Variants in WDFY3 observed in about 807,000 individuals in gnomAD.
The protein encoded by WDFY3 is WD repeat and FYVE domain containing 3, also known as WD repeat and FYVE domain-containing protein 3.
WDFY3 carries 66 observed loss-of-function variants against 409.6 expected under a neutral mutation model. That is an observed-to-expected ratio of 0.16 (90% CI 0.13 to 0.20). The LOEUF (loss-of-function observed/expected upper bound fraction) is 0.20, where lower values mean the gene tolerates loss of function less well. WDFY3 is among the 10% of genes least tolerant of loss of function. WDFY3 has a pLI of 1.00. For missense variants in WDFY3, 3,031 were observed against 4,298.1 expected (o/e 0.71, Z 8.24); for synonymous variants, 1,521 against 1,537.1 (o/e 0.99, Z 0.25).
rs1399226338 is a variant in WDFY3 at position 84,671,171 on chromosome 4, T to C, written c.*1697A>G. The C allele has an allele frequency of 6.6e-6, 1 of 152,594 alleles. No homozygotes were observed. Among genetic ancestry groups the C allele is most frequent in the Non-Finnish European group, 1.5e-5 (1 of 68,018 alleles). The allele number at this position is 152,594 out of a possible 1,614,324, so 9.5% of individuals were successfully genotyped here. A position where few individuals can be genotyped will look rare whatever the true frequency, so the allele number is the denominator to read the frequency against. ...TTGTTCTTAAGCTGGTTTCAGCCCA[T>C]CAGGTACAAGATCACCATTGTACCA... On this transcript the variant is annotated 3_prime_UTR_variant, in exon 68 of 68. Transcript: ENST00000295888.
At chr4:84,820,053 C>T in intron 12 of WDFY3, 32 bp downstream of exon 12, 1 of 1,555,266 alleles carries the variant, frequency 6.4e-7, no homozygotes, top group Non-Finnish European at 8.7e-7. Context: ...TGGTAATCTC[C>T]CAAAGTATTT....
intron 46 of WDFY3, among the ~76,000 whole-genome samples, chr4:84,722,339 A>C (rs1734982074): frequency 6.6e-6 from 1 of 152,254 alleles, no homozygotes; most frequent in Admixed American, 6.5e-5. Context: ...GTGAGCTGAG[A>C]TCACGCCACT....
chr4:84,805,721 T>C (rs1218589450), intron 15 of WDFY3, among the ~76,000 whole-genome samples: 1 of 152,198 alleles, frequency 6.6e-6, no homozygotes, highest in Non-Finnish European at 1.5e-5. Flanking sequence ...TTGCTTAACT[T>C]ATCATCAGGT....
rs1048977226 is a variant in WDFY3 at position 84,671,692 on chromosome 4, C to T, written c.*1176G>A. Reference sequence around the variant, plus strand: ...TTCATAGCAAAAACAAAAAAATAGACATTGATACAGTATAAATCTCACTGT... The same window carrying T: ...TTCATAGCAAAAACAAAAAAATAGATATTGATACAGTATAAATCTCACTGT... On this transcript the variant is annotated 3_prime_UTR_variant, in exon 68 of 68. Transcript: ENST00000295888. The T allele has an allele frequency of 3.3e-5, 5 of 152,360 alleles. No individual in the cohort carries two copies. The highest frequency in any genetic ancestry group is 1.2e-4 in the African/African-American group (5 of 41,398). The allele number at this position is 152,360 out of a possible 1,614,324, so 9.4% of individuals were successfully genotyped here.
Position 84,753,749 on chromosome 4 carries a change from C to A in WDFY3, c.5687G>T (p.Cys1896Phe), listed in dbSNP as rs370544166. ...GGGGAAGACGGTGGCTGCTAATGCA[C>A]ACAGGAAGTCAGGGCTCATCCACAT... is the stretch of plus-strand genomic sequence containing the variant. ...ASMWMSPDFL[C>F]ALAATVFPFN... The change falls in exon 35 of 68, where the codon TGT becomes TTT. Residue 1896 changes from cysteine to phenylalanine, a missense_variant. By Grantham distance (205) the Cys-to-Phe change is radical (BLOSUM62 -2). Transcript: ENST00000295888. 1.9e-6 allele frequency: 3 copies of A among 1,609,100 alleles called. No homozygotes were observed. The highest frequency in any genetic ancestry group is 2.5e-6 in the Non-Finnish European group (3 of 1,177,996).
chr4:84,679,831 T>G (rs1727023157), intron 64 of WDFY3, among the ~76,000 whole-genome samples: 1 of 149,484 alleles, frequency 6.7e-6, no homozygotes, highest in Non-Finnish European at 1.5e-5. Context: ...CATATATATA[T>G]ATATATATAT....
At chr4:84,750,927 C>G (rs539483995) in intron 36 of WDFY3, among the ~76,000 whole-genome samples, 123 of 152,280 alleles carry the variant, frequency 8.1e-4, no homozygotes, top group Non-Finnish European at 1.5e-3. Flanking sequence ...TTAAGTTGCA[C>G]AGGACACTGA....
At chr4:84,914,655 T>C (rs973123849) in intron 2 of WDFY3, among the ~76,000 whole-genome samples, 1 of 152,180 alleles carries the variant, frequency 6.6e-6, no homozygotes, top group Non-Finnish European at 1.5e-5. Flanking sequence ...TAACACCTAT[T>C]ATGATGGCTA....
At chr4:84,718,294 T>G (rs1048042857) in intron 48 of WDFY3, 128 bp downstream of exon 48, 6 of 886,084 alleles carry the variant, frequency 6.8e-6, no homozygotes, top group Non-Finnish European at 9.9e-6. Context: ...TATGTAATGA[T>G]GAATGCACAC....
chr4:84,687,155 T>C (rs1453384760), intron 62 of WDFY3, among the ~76,000 whole-genome samples: 1 of 152,162 alleles, frequency 6.6e-6, no homozygotes, highest in African/African-American at 2.4e-5. Context: ...TTCTTCTTCT[T>C]TTTTTTGAGA....
intron 2 of WDFY3, among the ~76,000 whole-genome samples, chr4:84,920,791 C>T (rs1769169390): frequency 6.6e-6 from 1 of 152,078 alleles, no homozygotes; most frequent in African/African-American, 2.4e-5. Flanking sequence ...TCTATAACTC[C>T]CACAACCCAA....
At chr4:84,961,348 T>C (rs80250729) in intron 1 of WDFY3, among the ~76,000 whole-genome samples, 1 of 152,020 alleles carries the variant, frequency 6.6e-6, no homozygotes, top group Non-Finnish European at 1.5e-5. Context: ...TCAAAGCAAA[T>C]TGTTGGCATA....
At chr4:84,858,647 C>A (rs1054591654) in intron 4 of WDFY3, among the ~76,000 whole-genome samples, 17 of 149,774 alleles carry the variant, frequency 1.1e-4, no homozygotes, top group African/African-American at 4.2e-4. Context: ...TAAGCTGAAG[C>A]CACAATAAAA....
rs184907456 is a variant in WDFY3 at position 84,828,036 on chromosome 4, T to C, written c.956+968A>G. 3.4e-3 allele frequency among the ~76,000 whole-genome samples: 481 copies of C among 139,876 alleles called. 3 individuals carry two copies. The highest frequency in any genetic ancestry group is 0.012 in the African/African-American group (460 of 38,158). The allele number at this position is 139,876 out of a possible 152,430, so 91.8% of individuals were successfully genotyped here. Reference sequence around the variant, plus strand: ...TAAAAATTATATCGAGCTATGATTATGCCACTGCACTCCAGCCTGGGAACA... The same window carrying C: ...TAAAAATTATATCGAGCTATGATTACGCCACTGCACTCCAGCCTGGGAACA... On this transcript the variant is annotated intron_variant, in intron 9 of 67. Coordinates refer to ENST00000295888, the MANE Select transcript of WDFY3 (RefSeq NM_014991.6).
At chr4:84,828,614 G>A (rs538960132) in intron 9 of WDFY3, among the ~76,000 whole-genome samples, 1 of 152,176 alleles carries the variant, frequency 6.6e-6, no homozygotes, top group Non-Finnish European at 1.5e-5. Flanking sequence ...ATAAAAAGAA[G>A]GGAATAGGCC....
intron 54 of WDFY3, among the ~76,000 whole-genome samples, chr4:84,704,719 C>A (rs1731633492): frequency 1.3e-5 from 2 of 152,076 alleles, no homozygotes; most frequent in Admixed American, 1.3e-4. Context: ...AATAGTTAAC[C>A]CTTAATAGTA....
At chr4:84,687,921 G>A (rs1728598651) in intron 62 of WDFY3, 165 bp downstream of exon 62, 2 of 697,642 alleles carry the variant, frequency 2.9e-6, no homozygotes. Flanking sequence ...ACACCTGATG[G>A]GTATAGTGCC....
At chr4:84,691,075 A>G (rs2148852677) in intron 60 of WDFY3, among the ~76,000 whole-genome samples, 1 of 152,366 alleles carries the variant, frequency 6.6e-6, no homozygotes, top group Non-Finnish European at 1.5e-5. Flanking sequence ...ACAAAGCAAC[A>G]TAACAGACTA....
At chr4:84,912,317 C>A (rs1330661785) in intron 2 of WDFY3, among the ~76,000 whole-genome samples, 1 of 152,140 alleles carries the variant, frequency 6.6e-6, no homozygotes, top group African/African-American at 2.4e-5. Context: ...GCATTAAGGA[C>A]CACTGTAAAA....
Sources: allele counts gnomAD v4.1 joint callset (sites outside exome capture counted in the v4.1 genomes callset), GRCh38; gene constraint gnomAD v4.1.1; transcripts MANE v1.5; gene names NCBI Gene and HGNC (gene_info 2026-07-23, HGNC 2026-07-21).